The following PARD3B variants were observed in gnomAD, a reference collection of about 807,000 sequenced individuals.
PARD3B encodes the protein par-3 family cell polarity regulator beta.
PARD3B carries 103 observed loss-of-function variants against 130.2 expected under a neutral mutation model. The ratio of observed to expected loss-of-function variants is 0.79; its 90% CI spans 0.67 to 0.93. The LOEUF is 0.93. PARD3B is among the 40% of genes least tolerant of loss of function. The probability of loss-of-function intolerance (pLI) is 0.00; values close to 1 mark genes in which losing one functional copy is unlikely to be tolerated. For synonymous variants in PARD3B, 583 were observed against 553.2 expected, an observed-to-expected ratio of 1.05 and a Z score of -0.76; for missense variants, 1,609 against 1,499.2, an observed-to-expected ratio of 1.07 and a Z score of -1.21.
intron 2 of PARD3B, among the ~76,000 whole-genome samples, chr2:204,742,600 TG>T (rs1420402542): frequency 6.6e-6 from 1 of 152,144 alleles, no homozygotes; most frequent in Non-Finnish European, 1.5e-5. Context: ...CCAGGGATAA[TG>T]GGAAGGTTGG....
chr2:205,144,340 C>G (rs773622015), intron 10 of PARD3B, among the ~76,000 whole-genome samples: 2 of 152,108 alleles, frequency 1.3e-5, no homozygotes, highest in African/African-American at 4.8e-5. Context: ...GATATATGAG[C>G]CAGCTATAAA....
In PARD3B at chr2:204,799,929, CTG is replaced by C. The variant is rs958691227; in HGVS notation, c.222+113650_222+113651del. Among the ~76,000 whole-genome samples the C allele has an allele frequency of 4.6e-5, 7 of 152,198 alleles. No individual in the cohort carries two copies. The highest frequency in any genetic ancestry group is 1.4e-4 in the African/African-American group (6 of 41,462). Reference sequence around the variant, plus strand: ...AAGGGTGGGTACAAACAAGCCAAGACTGTGAAGGCTACAATAAATACCTAACT... The same window carrying C: ...AAGGGTGGGTACAAACAAGCCAAGACTGAAGGCTACAATAAATACCTAACT... On this transcript the variant is annotated intron_variant, in intron 2 of 22. Transcript: ENST00000406610. The surrounding 1 kb of genome is among the most constrained non-coding windows in gnomAD (Gnocchi z 4.1).
At chr2:204,987,008 C>A (rs574049714) in intron 3 of PARD3B, among the ~76,000 whole-genome samples, 1 of 152,262 alleles carries the variant, frequency 6.6e-6, no homozygotes, top group East Asian at 1.9e-4. Context: ...ACTGAACAAA[C>A]TTCCCAAGTG....
intron 10 of PARD3B, among the ~76,000 whole-genome samples, chr2:205,126,382 A>G (rs2125633999): frequency 6.6e-6 from 1 of 152,298 alleles, no homozygotes; most frequent in Non-Finnish European, 1.5e-5. Flanking sequence ...TTGCAGTGAT[A>G]TATTGGGTCC....
intron 1 of PARD3B, among the ~76,000 whole-genome samples, chr2:204,661,131 C>T (rs566494428): frequency 6.6e-6 from 1 of 152,164 alleles, no homozygotes; most frequent in Non-Finnish European, 1.5e-5. Context: ...ATTTTTGAAG[C>T]ACTCAATTCC....
At chr2:205,456,751 T>C (rs551397606) in intron 20 of PARD3B, among the ~76,000 whole-genome samples, 50 of 151,128 alleles carry the variant, frequency 3.3e-4, no homozygotes, top group African/African-American at 1.1e-3. Flanking sequence ...TTTATTATAG[T>C]ATATAATTAT....
At chr2:205,050,903 G>A (rs1699144876) in intron 4 of PARD3B, among the ~76,000 whole-genome samples, 1 of 151,988 alleles carries the variant, frequency 6.6e-6, no homozygotes, top group South Asian at 2.1e-4. Context: ...GGTTTGCCTG[G>A]GGCAGTCCTG....
chr2:205,587,636 G>A (rs890673488), intron 22 of PARD3B, among the ~76,000 whole-genome samples: 3 of 152,138 alleles, frequency 2.0e-5, no homozygotes, highest in African/African-American at 4.8e-5. Flanking sequence ...CTGTATTTCA[G>A]GCAAGCACTC....
intron 3 of PARD3B, among the ~76,000 whole-genome samples, chr2:205,005,265 G>A (rs1434236331): frequency 6.6e-6 from 1 of 152,094 alleles, no homozygotes; most frequent in Non-Finnish European, 1.5e-5. Flanking sequence ...TAATATAAGT[G>A]TGAAGTATGG....
chr2:204,605,165 C>G (rs1014712085), intron 1 of PARD3B, among the ~76,000 whole-genome samples: 1 of 152,136 alleles, frequency 6.6e-6, no homozygotes, highest in Non-Finnish European at 1.5e-5. Context: ...GCCAGTCCAT[C>G]GTTTCTGCCA....
intron 15 of PARD3B, among the ~76,000 whole-genome samples, chr2:205,195,869 A>G (rs2036656010): frequency 3.3e-5 from 5 of 151,998 alleles, no homozygotes; most frequent in African/African-American, 4.8e-5. Flanking sequence ...ATTAATTTAT[A>G]TTGGCTATTT....
Position 205,078,947 on chromosome 2 carries a change from G to T in PARD3B, c.505-25479G>T, listed in dbSNP as rs1362274662. On this transcript the variant is annotated intron_variant, in intron 4 of 22. Coordinates refer to ENST00000406610, the MANE Select transcript of PARD3B (RefSeq NM_001302769.2). The surrounding 1 kb of genome is among the most constrained non-coding windows in gnomAD (Gnocchi z 4.0). ...GCCAGCCACGTAAGTGAGCCGTCAT[G>T]GATGCCCAGACCTGTGGAGCCTTGG... Among the ~76,000 whole-genome samples, 2 of 152,208 alleles carry T rather than the reference G, an allele frequency of 1.3e-5. No individual in the cohort carries two copies. Among genetic ancestry groups the T allele is most frequent in the Non-Finnish European group, 2.9e-5 (2 of 68,040 alleles).
chr2:205,480,055 A>G (rs1391645667), intron 20 of PARD3B, among the ~76,000 whole-genome samples: 1 of 151,932 alleles, frequency 6.6e-6, no homozygotes, highest in Non-Finnish European at 1.5e-5. Context: ...GGTGCCCTCC[A>G]CCATGCCCAG....
chr2:204,563,215 C>CTG (rs1292500736), intron 1 of PARD3B, among the ~76,000 whole-genome samples: 6 of 113,060 alleles, frequency 5.3e-5, no homozygotes, highest in Non-Finnish European at 1.1e-4. Flanking sequence ...CGTCTTCCCG[C>CTG]TGTCTCTCTC....
intron 20 of PARD3B, among the ~76,000 whole-genome samples, chr2:205,485,819 A>G (rs2049417851): frequency 6.6e-6 from 1 of 151,954 alleles, no homozygotes; most frequent in Non-Finnish European, 1.5e-5. Context: ...ATGCCCAGCC[A>G]CCCTCTCTTT....
In PARD3B at chr2:205,616,509, A is replaced by G. The variant is rs1450608930; in HGVS notation, c.*696A>G. 1 of 152,252 alleles carries G rather than the reference A, an allele frequency of 6.6e-6. No individual in the cohort carries two copies. Among genetic ancestry groups the G allele is most frequent in the Non-Finnish European group, 1.5e-5 (1 of 68,086 alleles). 9.4% of individuals were successfully genotyped at this position (152,252 alleles called of 1,614,324 possible). The stretch of plus-strand genomic sequence containing the variant: ...ATGAAAGTCGGTAAAATGCAGTATT[A>G]GTCCCGGGAGGATGTGCACAGCTGG... On this transcript the variant is annotated 3_prime_UTR_variant, in exon 23 of 23. Transcript: ENST00000406610.
At chr2:205,383,567 G>A (rs2105954464) in intron 18 of PARD3B, among the ~76,000 whole-genome samples, 1 of 152,070 alleles carries the variant, frequency 6.6e-6, no homozygotes, top group African/African-American at 2.4e-5. Flanking sequence ...GTTATAGTTT[G>A]TATATCTGTT....
Position 204,811,469 on chromosome 2 carries a change from A to T in PARD3B, c.222+125187A>T, listed in dbSNP as rs200753796. On this transcript the variant is annotated intron_variant, in intron 2 of 22. Transcript: ENST00000406610. ...AGAGTTTGGGGCAAGTGAAAGACAT[A>T]GAAGTTGACATGACTTGTAGATTTC... 2.6e-5 allele frequency among the ~76,000 whole-genome samples: 4 copies of T among 152,304 alleles called. No homozygotes were observed. In the East Asian group the frequency reaches 7.7e-4, roughly 29 times the overall value.
intron 2 of PARD3B, among the ~76,000 whole-genome samples, chr2:204,777,039 A>G (rs1013860476): frequency 6.6e-6 from 1 of 152,194 alleles, no homozygotes; most frequent in African/African-American, 2.4e-5. Context: ...AGCTTTGCTC[A>G]GTGAAGATGA....
Sources: gnomAD v4.1 joint callset for allele counts (sites outside exome capture counted in the v4.1 genomes callset) on GRCh38, gnomAD v4.1.1 for gene constraint, Gnocchi (gnomAD v3.1) non-coding constraint, MANE v1.5 for transcripts, NCBI Gene and HGNC (gene_info 2026-07-23, HGNC 2026-07-21) for gene names.